The following NPNT variants were observed in gnomAD, a reference collection of about 807,000 sequenced individuals.
NPNT encodes preosteoblast EGF-like repeat protein with MAM domain.
NPNT carries 45 observed loss-of-function variants against 68.6 expected under a neutral mutation model. The observed-to-expected ratio is 0.66, with a 90% CI of 0.52 to 0.84. NPNT has a LOEUF of 0.84. Among genes scored for constraint, NPNT ranks in the 40% least tolerant of loss-of-function variants. The pLI, the probability that NPNT is intolerant of heterozygous loss-of-function variation, is 0.00. For synonymous variants in NPNT, 233 were observed against 253.3 expected, an observed-to-expected ratio of 0.92 and a Z score of 0.76; for missense variants, 672 against 714.8, an observed-to-expected ratio of 0.94 and a Z score of 0.68.
intron 10 of NPNT, among the ~76,000 whole-genome samples, chr4:105,963,032 C>T (rs916794526): frequency 1.3e-5 from 2 of 152,058 alleles, no homozygotes; most frequent in African/African-American, 4.8e-5. Flanking sequence ...CAAGACCAGC[C>T]TGGCCAACAT....
chr4:105,932,481 A>G (rs985492526), intron 3 of NPNT: 6 of 537,854 alleles, frequency 1.1e-5, no homozygotes, highest in African/African-American at 5.8e-5. Context: ...TATTGTTTAT[A>G]AAGTATCTAA....
intron 8 of NPNT, among the ~76,000 whole-genome samples, chr4:105,944,953 C>T (rs1730261760): frequency 6.6e-6 from 1 of 152,156 alleles, no homozygotes; most frequent in South Asian, 2.1e-4. Context: ...AGTTCAACAC[C>T]ATTTCTTTAC....
chr4:105,942,678 C>G lies in NPNT; in HGVS notation c.1135C>G (p.Gln379Glu). 1 of 1,612,028 alleles carries G rather than the reference C, an allele frequency of 6.2e-7. No individual in the cohort carries two copies. Among genetic ancestry groups the G allele is most frequent in the Non-Finnish European group, 8.5e-7 (1 of 1,179,062 alleles). Residue 379 changes from glutamine (Q) to glutamate (E), a missense_variant, in exon 8 of 12, where the codon CAG (glutamine) becomes GAG (glutamate). Physicochemically the swap from Gln to Glu is conservative, Grantham distance 29 (BLOSUM62 2). Transcript: ENST00000379987. ...TVDNRVQTDPQKPRGDVFIPR... is the reference protein window; with the variant it reads ...TVDNRVQTDPEKPRGDVFIPR... ...TGACAACAGGGTACAGACAGACCCT[C>G]AGAAACCCAGAGGAGATGTGTTCAG...
chr4:105,942,111 G>GTA (rs1359562097), intron 7 of NPNT, among the ~76,000 whole-genome samples, 196 bp from the exon 8 acceptor site: 2 of 138,230 alleles, frequency 1.4e-5, no homozygotes, highest in African/African-American at 5.5e-5. Context: ...GTGTCTGTGT[G>GTA]TGTGTATATA....
intron 11 of NPNT, 98 bp downstream of exon 11, chr4:105,967,542 G>A (rs1288373287): frequency 1.6e-6 from 2 of 1,282,644 alleles, no homozygotes; most frequent in Non-Finnish European, 2.1e-6. Context: ...TGTGAATTCA[G>A]GCTCAGATAA....
chr4:105,959,075 A>G lies in NPNT; in HGVS notation c.1294A>G (p.Ile432Val), dbSNP rs1385488610. 6.2e-7 allele frequency: 1 copy of G among 1,613,556 alleles called. No homozygotes were observed. The highest frequency in any genetic ancestry group is 8.5e-7 in the Non-Finnish European group (1 of 1,179,630). Residue 432 changes from isoleucine to valine, a missense_variant, in exon 10 of 12, where the codon ATC (isoleucine) becomes GTC (valine). By Grantham distance (29) the Ile-to-Val change is conservative (BLOSUM62 3). Coordinates refer to ENST00000379987, the MANE Select transcript of NPNT (RefSeq NM_001033047.3). ...TTTTGACCATGGACTTTGTGGATGG[A>G]TCAGGGAGAAAGACAATGACTTGCA... ...CNFDHGLCGW[I>V]REKDNDLHWE...
chr4:105,922,924 G>T (rs912932871), intron 2 of NPNT, among the ~76,000 whole-genome samples: 4 of 152,064 alleles, frequency 2.6e-5, no homozygotes, highest in African/African-American at 9.7e-5. Context: ...ACCATATTTG[G>T]ATGCTAGTGA....
At chr4:105,902,040 C>A (rs1040886399) in intron 2 of NPNT, among the ~76,000 whole-genome samples, 3 of 152,122 alleles carry the variant, frequency 2.0e-5, no homozygotes, top group African/African-American at 7.2e-5. Flanking sequence ...TTTCATGTTT[C>A]ATTTCTTTCT....
intron 8 of NPNT, 66 bp from the exon 9 acceptor site, chr4:105,958,405 G>A: frequency 1.2e-6 from 1 of 858,402 alleles, no homozygotes; most frequent in Non-Finnish European, 1.9e-6. Context: ...CTTGTTAAAG[G>A]TAATGCCTCT....
chr4:105,908,555 C>T (rs1277670676), intron 2 of NPNT, among the ~76,000 whole-genome samples: 3 of 150,442 alleles, frequency 2.0e-5, no homozygotes, highest in Non-Finnish European at 4.4e-5. Context: ...TGTTGATTTT[C>T]AAAAACCTTT....
At chr4:105,900,602 A>G (rs1726318774) in intron 2 of NPNT, among the ~76,000 whole-genome samples, 2 of 152,138 alleles carry the variant, frequency 1.3e-5, no homozygotes, top group South Asian at 2.1e-4. Flanking sequence ...CTGGCTCACT[A>G]TGTCTAAGCA....
chr4:105,969,598 A>G lies in NPNT; in HGVS notation c.*608A>G, dbSNP rs576595439. On this transcript the variant is annotated 3_prime_UTR_variant, in exon 12 of 12. Coordinates refer to ENST00000379987, the MANE Select transcript of NPNT (RefSeq NM_001033047.3). Reference sequence around the variant, plus strand: ...TTTTTCCTGTTAAAGACAATTATGTAGAGTGGGCACGTAATCCCTCCTTAG... The same window carrying G: ...TTTTTCCTGTTAAAGACAATTATGTGGAGTGGGCACGTAATCCCTCCTTAG... The G allele has an allele frequency of 3.9e-5, 6 of 152,258 alleles. No homozygotes were observed. The highest frequency in any genetic ancestry group is 3.9e-4 in the Admixed American group (6 of 15,294). 9.4% of individuals were successfully genotyped at this position (152,258 alleles called of 1,614,324 possible).
At chr4:105,937,238 G>T in intron 4 of NPNT, 110 bp downstream of exon 4, 1 of 1,049,200 alleles carries the variant, frequency 9.5e-7, no homozygotes, top group South Asian at 1.6e-5. Flanking sequence ...AACAAGATGT[G>T]TGCGTGTGTT....
intron 2 of NPNT, among the ~76,000 whole-genome samples, chr4:105,901,621 T>A (rs1263161772): frequency 1.3e-5 from 2 of 152,216 alleles, no homozygotes; most frequent in Admixed American, 6.5e-5. Flanking sequence ...TTATGTGAAT[T>A]AGGATGGTTT....
At chr4:105,935,793 A>G (rs1729447486) in intron 3 of NPNT, among the ~76,000 whole-genome samples, 1 of 152,322 alleles carries the variant, frequency 6.6e-6, no homozygotes, top group Admixed American at 6.5e-5. Context: ...TTTAGATGTA[A>G]TAATTATTTG....
chr4:105,906,673 T>C (rs1333447617), intron 2 of NPNT, among the ~76,000 whole-genome samples: 2 of 152,194 alleles, frequency 1.3e-5, no homozygotes, highest in Non-Finnish European at 2.9e-5. Context: ...TCTTTCTTTT[T>C]TAAGTCGATA....
intron 2 of NPNT, among the ~76,000 whole-genome samples, chr4:105,914,710 T>C (rs1727664543): frequency 6.6e-6 from 1 of 151,744 alleles, no homozygotes. Flanking sequence ...GATGGAGTGG[T>C]GATGGCCCAG....
intron 10 of NPNT, among the ~76,000 whole-genome samples, chr4:105,961,390 G>A (rs1731708662): frequency 6.6e-6 from 1 of 152,138 alleles, no homozygotes. Flanking sequence ...ACAGAATGGT[G>A]AATAATATTT....
intron 2 of NPNT, among the ~76,000 whole-genome samples, chr4:105,913,723 T>C (rs1268734790): frequency 6.6e-6 from 1 of 152,172 alleles, no homozygotes; most frequent in Non-Finnish European, 1.5e-5. Context: ...AAATAATCAA[T>C]TGGAAGTAGA....
Sources: allele counts gnomAD v4.1 joint callset (sites outside exome capture counted in the v4.1 genomes callset), GRCh38; gene constraint gnomAD v4.1.1; transcripts MANE v1.5; gene names NCBI Gene and HGNC (gene_info 2026-07-23, HGNC 2026-07-21).